NEB: variants seen among roughly 807,000 people sequenced by gnomAD.
NEB encodes the protein nebulin.
NEB carries 512 observed loss-of-function variants against 952.2 expected under a neutral mutation model. The observed-to-expected ratio is 0.54, with a 90% CI of 0.50 to 0.58. The LOEUF (loss-of-function observed/expected upper bound fraction) is 0.58. Ranked by LOEUF, NEB falls within the 20% of genes least tolerant of loss-of-function variation. The pLI is 0.00. For synonymous variants in NEB, 2,900 were observed against 3,149.8 expected, an observed-to-expected ratio of 0.92 and a Z score of 2.66; for missense variants, 8,428 against 9,231.1, an observed-to-expected ratio of 0.91 and a Z score of 3.56.
In NEB at chr2:151,506,915, G is replaced by T. The variant is rs2069532447; in HGVS notation, c.23550C>A (p.Phe7850Leu). The stretch of plus-strand genomic sequence containing the variant: ...AAATAAATAGTAAATATACCGAGCT[G>T]AAATTCTTCTGATTTTCTTTTACAC... ...ILRVKENQKN[F>L]SSVLYKEDVS... Residue 7850 changes from phenylalanine (F) to leucine (L), a missense_variant, in exon 163 of 182, where the codon TTC becomes TTA. Phe to Leu is a conservative substitution (Grantham distance 22, BLOSUM62 0). This residue lies in a region of NEB where 3,374 missense variants were observed against 3,651.5 expected (regional missense o/e 0.92). Transcript: ENST00000397345. The T allele has an allele frequency of 6.3e-7, 1 of 1,594,952 alleles. No individual in the cohort carries two copies. Among genetic ancestry groups the T allele is most frequent in the Non-Finnish European group, 8.6e-7 (1 of 1,164,108 alleles).
chr2:151,679,446 T>A lies in NEB; in HGVS notation c.3255+275A>T, dbSNP rs141468627. 5.3e-5 allele frequency among the ~76,000 whole-genome samples: 8 copies of A among 152,268 alleles called. No individual in the cohort carries two copies. In the East Asian group the frequency reaches 1.5e-3, roughly 29 times the overall value. Reference sequence around the variant, plus strand: ...ACTTAAATGGTAAGTCACTTCTGGATCTCCACAAGAGAAGTAATGTGAGTT... The same window carrying A: ...ACTTAAATGGTAAGTCACTTCTGGAACTCCACAAGAGAAGTAATGTGAGTT... On this transcript the variant is annotated intron_variant, in intron 32 of 181. Coordinates refer to ENST00000397345, the MANE Select transcript of NEB (RefSeq NM_001164508.2).
At position 151,616,196 on chromosome 2, in the gene NEB, C is replaced by G; in HGVS notation, c.11182-87G>C. On this transcript the variant is annotated intron_variant, in intron 75 of 181. Transcript: ENST00000397345. The stretch of plus-strand genomic sequence containing the variant: ...TAGTTTTTCTTTGTCCTCATTTAAA[C>G]TTCAGAAATAATTCACAAAGTCAAT... 3.2e-6 allele frequency: 3 copies of G among 932,058 alleles called. No homozygotes were observed. The South Asian group carries it at 4.6e-5, about 14-fold the overall frequency. 57.7% of individuals were successfully genotyped at this position (932,058 alleles called of 1,614,324 possible).
chr2:151,514,929 CTAATG>C lies in NEB; in HGVS notation c.22906-6_22906-2del, dbSNP rs1014710501. On this transcript the variant is annotated splice_acceptor_variant and splice_polypyrimidine_tract_variant and intron_variant, in intron 157 of 181. Coordinates refer to ENST00000397345, the MANE Select transcript of NEB (RefSeq NM_001164508.2). LOFTEE classifies it high-confidence loss of function. ...CTTCATAATCTTTCCTATATTCTTT[CTAATG>C]TAAGTAGGAAGGAAAGACAAGTTAA... 2 of 1,538,348 alleles carry C rather than the reference CTAATG, an allele frequency of 1.3e-6. No individual in the cohort carries two copies. Among genetic ancestry groups the C allele is most frequent in the African/African-American group, 1.4e-5 (1 of 73,036 alleles).
chr2:151,724,284 A>C lies in NEB; in HGVS notation c.588T>G (p.Val196=). The change falls in exon 8 of 182, where the codon GTT becomes GTG. Residue 196 remains valine, a synonymous_variant. Coordinates refer to ENST00000397345, the MANE Select transcript of NEB (RefSeq NM_001164508.2). ...CCTTGCTGAACATGGCGGTGTTCTT[A>C]ACGGCCTGGACAAGTTCAGGGGCAT... The part of the protein sequence containing the change: ...PPDAPELVQA[V]KNTAMFSKKL... 2 of 1,613,130 alleles carry C rather than the reference A, an allele frequency of 1.2e-6. No homozygotes were observed. Among genetic ancestry groups the C allele is most frequent in the Non-Finnish European group, 1.7e-6 (2 of 1,179,546 alleles).
chr2:151,497,640 CTTGA>C lies in NEB; in HGVS notation c.24282_24285del (p.Asn8094LysfsTer50). 5.7e-6 allele frequency: 9 copies of C among 1,576,742 alleles called. No individual in the cohort carries two copies. The highest frequency in any genetic ancestry group is 7.8e-6 in the Non-Finnish European group (9 of 1,158,744). On this transcript the variant is annotated frameshift_variant, in exon 171 of 182. Coordinates refer to ENST00000397345, the MANE Select transcript of NEB (RefSeq NM_001164508.2). LOFTEE classifies it high-confidence loss of function. ...TGCCAAAGTACCGAGCTAATATTTTCTTGATTGTGTTTGACTCTTTCCATCTCGG... is the reference window on the plus strand; with the variant it reads ...TGCCAAAGTACCGAGCTAATATTTTCTTGTGTTTGACTCTTTCCATCTCGG...
chr2:151,517,288 T>C (rs1237860929), intron 156 of NEB, among the ~76,000 whole-genome samples: 1 of 152,232 alleles, frequency 6.6e-6, no homozygotes. Flanking sequence ...AAGACCCTCA[T>C]GCACGCAGCA....
At chr2:151,653,560 A>G (rs1471051731) in intron 52 of NEB, among the ~76,000 whole-genome samples, 1 of 152,210 alleles carries the variant, frequency 6.6e-6, no homozygotes, top group Admixed American at 6.5e-5. Flanking sequence ...AAATGGGCTA[A>G]ACTGAAATAA....
At chr2:151,498,424 TG>T in intron 169 of NEB, 72 bp from the exon 170 acceptor site, 1 of 1,085,194 alleles carries the variant, frequency 9.2e-7, no homozygotes, top group Non-Finnish European at 1.3e-6. Flanking sequence ...TTGGAGCAGT[TG>T]GGAGTGGGAA....
intron 161 of NEB, 61 bp downstream of exon 161, chr2:151,512,672 G>A: frequency 8.4e-7 from 1 of 1,187,846 alleles, no homozygotes; most frequent in South Asian, 1.3e-5. Flanking sequence ...TTTATTAATG[G>A]AAGGACTTCC....
In NEB at chr2:151,568,653, C is replaced by T. The variant is rs1452637927; in HGVS notation, c.17599G>A (p.Val5867Met). The T allele has an allele frequency of 1.9e-6, 3 of 1,610,074 alleles. No homozygotes were observed. In the Admixed American group the frequency reaches 5.0e-5, roughly 27 times the overall value. Residue 5867 changes from valine to methionine, a missense_variant, in exon 111 of 182, where the codon GTG (valine) becomes ATG (methionine). By Grantham distance (21) the Val-to-Met change is conservative. Transcript: ENST00000397345. ...ATCTCGCCACTTTGTTTCGCTGTCA[C>T]ATAATCAACTCTGTCATCCACAGGC... ...FTPVDDRVDY[V>M]TAKQSGEILD...
intron 13 of NEB, among the ~76,000 whole-genome samples, chr2:151,699,528 T>A: frequency 2.9e-5 from 1 of 34,768 alleles, no homozygotes; most frequent in African/African-American, 1.3e-4. Flanking sequence ...GCACCTGTTG[T>A]TTCCTGACTT....
At position 151,499,374 on chromosome 2, in the gene NEB, T is replaced by TTTTC. The variant is rs766030236; in HGVS notation, c.24034_24037dup (p.Asn8013ArgfsTer26). 6.5e-7 allele frequency: 1 copy of TTTTC among 1,541,530 alleles called. No homozygotes were observed. Among genetic ancestry groups the TTTTC allele is most frequent in the South Asian group, 1.2e-5 (1 of 83,748 alleles). The stretch of plus-strand genomic sequence containing the variant: ...GGGGATTGGAATCCCTTTTCCAACG[T>TTTTC]TTTCTTTATACAACACCTGTATGAC... On this transcript the variant is annotated frameshift_variant, in exon 169 of 182. Transcript: ENST00000397345. LOFTEE classifies it high-confidence loss of function.
chr2:151,502,679 A>C, intron 167 of NEB, 114 bp downstream of exon 167: 1 of 687,818 alleles, frequency 1.5e-6, no homozygotes, highest in Non-Finnish European at 2.5e-6. Context: ...AAACTGAGGT[A>C]ATATTTGGTA....
At position 151,653,902 on chromosome 2, in the gene NEB, G is replaced by A; in HGVS notation, c.6915+90C>T. ...ATGAAGGAAGCATTATATTTTGAAA[G>A]GTAAAGACTATCCATAAAAATAGTT... On this transcript the variant is annotated intron_variant, in intron 52 of 181. Transcript: ENST00000397345. 6.4e-6 allele frequency: 5 copies of A among 780,326 alleles called. No homozygotes were observed. The Middle Eastern group carries it at 7.1e-4, about 110-fold the overall frequency. The allele number at this position is 780,326 out of a possible 1,614,324, so 48.3% of individuals were successfully genotyped here.
intron 71 of NEB, among the ~76,000 whole-genome samples, chr2:151,623,632 T>C (rs58996775): frequency 0.24 from 36,901 of 151,890 alleles, 5,380 homozygotes; most frequent in Admixed American, 0.39. Context: ...TGTCAGTTTA[T>C]AGTCTTTTCA....
chr2:151,690,879 G>A (rs2099543636), intron 23 of NEB, 54 bp from the exon 24 acceptor site: 1 of 1,302,340 alleles, frequency 7.7e-7, no homozygotes, highest in African/African-American at 1.5e-5. Flanking sequence ...GGTTATACAT[G>A]CGCTAACATA....
rs774348830 is a variant in NEB, at chr2:151,643,866, G to A, written c.7908C>T (p.Asp2636=). ...NYLHQWTCLP[D]QSDVIHARQA... is the part of the protein sequence containing the mutation. ...GCCGAGCATGGATGACATCGCTCTG[G>A]TCGGGCAGGCATGTCCACTGGTGCA... The change falls in exon 57 of 182, where the codon GAC becomes GAT. Residue 2636 remains aspartate, a synonymous_variant. Transcript: ENST00000397345. The A allele has an allele frequency of 7.4e-6, 12 of 1,613,922 alleles. No individual in the cohort carries two copies. The East Asian group carries it at 2.2e-4, about 30-fold the overall frequency.
chr2:151,562,869 G>A, intron 119 of NEB, 61 bp from the exon 120 acceptor site: 1 of 1,205,318 alleles, frequency 8.3e-7, no homozygotes, highest in Non-Finnish European at 1.2e-6. Flanking sequence ...TCAGATCAAT[G>A]TCTTTTAGAT....
intron 161 of NEB, among the ~76,000 whole-genome samples, chr2:151,508,594 G>A (rs1028301658): frequency 2.0e-5 from 3 of 152,254 alleles, no homozygotes; most frequent in Non-Finnish European, 2.9e-5. Context: ...AGCAGGTGCG[G>A]TCAGGGCTCC....
Sources: allele counts gnomAD v4.1 joint callset (sites outside exome capture counted in the v4.1 genomes callset), GRCh38; gene constraint gnomAD v4.1.1; regional missense constraint gnomAD v4.1.1; transcripts MANE v1.5; gene names NCBI Gene and HGNC (gene_info 2026-07-23, HGNC 2026-07-21).